Variants in THSD4 observed in about 807,000 individuals in gnomAD.
THSD4 encodes thrombospondin type-1 domain-containing protein 4.
A neutral mutation model predicts 119.0 loss-of-function variants in THSD4; 69 were observed. The ratio of observed to expected loss-of-function variants is 0.58; its 90% CI spans 0.48 to 0.71. The LOEUF is 0.71. Among genes scored for constraint, THSD4 ranks in the 30% least tolerant of loss-of-function variants. The pLI is 0.00. For missense variants in THSD4, 1,393 were observed against 1,391.1 expected, an observed-to-expected ratio of 1.00 and a Z score of -0.02; for synonymous variants, 524 against 540.4, an observed-to-expected ratio of 0.97 and a Z score of 0.42.
chr15:71,317,406 G>T (rs922757156), intron 6 of THSD4, among the ~76,000 whole-genome samples: 3 of 152,202 alleles, frequency 2.0e-5, no homozygotes, highest in Non-Finnish European at 4.4e-5. Context: ...AATGGCAGAA[G>T]GTGATGGAGG....
rs146285831 is a variant in THSD4, at chr15:71,375,953, T to C, written c.1016-35734T>C. 9.6e-3 allele frequency among the ~76,000 whole-genome samples: 1,469 copies of C among 152,316 alleles called. 21 individuals are homozygous for C. Among genetic ancestry groups the C allele is most frequent in the African/African-American group, 0.034 (1,398 of 41,568 alleles). On this transcript the variant is annotated intron_variant, in intron 6 of 17. Coordinates refer to ENST00000261862, the MANE Select transcript of THSD4 (RefSeq NM_024817.3). ...CTAGCACTTTTCTACTATGACTCTGTATTATTTATCACTGAGACCAATGTA... is the reference window on the plus strand; with the variant it reads ...CTAGCACTTTTCTACTATGACTCTGCATTATTTATCACTGAGACCAATGTA...
At chr15:71,725,315 C>A (rs2052811708) in intron 8 of THSD4, among the ~76,000 whole-genome samples, 1 of 151,752 alleles carries the variant, frequency 6.6e-6, no homozygotes. Flanking sequence ...CTAAAGCTGG[C>A]AAGGAGGTAA....
At chr15:71,761,303 CAAGTT>C (rs2053624387) in intron 15 of THSD4, among the ~76,000 whole-genome samples, 1 of 152,078 alleles carries the variant, frequency 6.6e-6, no homozygotes, top group South Asian at 2.1e-4. Flanking sequence ...CCATTAGTGT[CAAGTT>C]ATCAGTGACC....
At chr15:71,595,758 C>G (rs2049896595) in intron 7 of THSD4, among the ~76,000 whole-genome samples, 1 of 152,218 alleles carries the variant, frequency 6.6e-6, no homozygotes, top group African/African-American at 2.4e-5. Flanking sequence ...TCCATCACCC[C>G]AAGATCTGCT....
intron 3 of THSD4, chr15:71,183,802 T>G (rs2043564612): frequency 6.6e-6 from 1 of 151,746 alleles, no homozygotes; most frequent in Non-Finnish European, 1.5e-5. Context: ...AGATAATTAT[T>G]TCTTGTGGGA....
chr15:71,575,563 A>G (rs1285976610), intron 7 of THSD4, among the ~76,000 whole-genome samples: 1 of 152,200 alleles, frequency 6.6e-6, no homozygotes, highest in Non-Finnish European at 1.5e-5. Context: ...TTCGTCTTTA[A>G]TAAGTTGTGT....
chr15:71,227,420 G>A (rs1011903815), intron 4 of THSD4, among the ~76,000 whole-genome samples: 3 of 152,150 alleles, frequency 2.0e-5, no homozygotes, highest in South Asian at 2.1e-4. Context: ...TTCCTCCAGC[G>A]CACACCTAGT....
chr15:71,152,906 G>A (rs900699175), intron 2 of THSD4, among the ~76,000 whole-genome samples: 2 of 152,224 alleles, frequency 1.3e-5, no homozygotes, highest in Admixed American at 6.5e-5. Flanking sequence ...TTTCTAGGAG[G>A]GGGGTCACCT....
intron 8 of THSD4, among the ~76,000 whole-genome samples, chr15:71,673,097 G>A (rs928599294): frequency 6.6e-6 from 1 of 152,160 alleles, no homozygotes; most frequent in Non-Finnish European, 1.5e-5. Context: ...GGTAGAATTC[G>A]GCTGTGAATC....
At chr15:71,640,470 G>T (rs1410902885) in intron 7 of THSD4, among the ~76,000 whole-genome samples, 2 of 152,124 alleles carry the variant, frequency 1.3e-5, no homozygotes, top group Admixed American at 1.3e-4. Context: ...CCAGGGGGTT[G>T]CCAGGACTGG....
At position 71,595,106 on chromosome 15, in the gene THSD4, T is replaced by C. The variant is rs192172702; in HGVS notation, c.1153-65424T>C. 1.3e-3 allele frequency among the ~76,000 whole-genome samples: 204 copies of C among 152,350 alleles called. 1 individual carries two copies. Among genetic ancestry groups the C allele is most frequent in the Non-Finnish European group, 2.3e-3 (156 of 68,028 alleles). Reference sequence around the variant, plus strand: ...TCAGCTAGTTTCTTACTAAACTAAATGTATGAGCTTCTCTCTTTAATCAGA... The same window carrying C: ...TCAGCTAGTTTCTTACTAAACTAAACGTATGAGCTTCTCTCTTTAATCAGA... On this transcript the variant is annotated intron_variant, in intron 7 of 17. Transcript: ENST00000261862.
intron 10 of THSD4, chr15:71,731,435 G>C: frequency 1.8e-6 from 1 of 544,794 alleles, no homozygotes; most frequent in Admixed American, 3.1e-5. Context: ...TTCCAAAATG[G>C]CATGAGCATC....
intron 6 of THSD4, among the ~76,000 whole-genome samples, chr15:71,401,270 G>GT (rs1197807976): frequency 6.6e-6 from 1 of 152,156 alleles, no homozygotes; most frequent in Non-Finnish European, 1.5e-5. Context: ...AAGTTTTGTA[G>GT]TTTTTTGTTG....
chr15:71,759,123 A>G (rs1292556268), intron 15 of THSD4, among the ~76,000 whole-genome samples: 1 of 152,246 alleles, frequency 6.6e-6, no homozygotes, highest in East Asian at 1.9e-4. Flanking sequence ...ATGTGGTATA[A>G]TGGCAAGTGA....
chr15:71,544,429 G>A (rs1188394026), intron 7 of THSD4, among the ~76,000 whole-genome samples: 1 of 152,218 alleles, frequency 6.6e-6, no homozygotes. Flanking sequence ...TGGAAGCTAT[G>A]GAAAGAGAGT....
chr15:71,436,731 CAGG>C (rs1041786671), intron 7 of THSD4, among the ~76,000 whole-genome samples: 2 of 152,158 alleles, frequency 1.3e-5, no homozygotes, highest in African/African-American at 4.8e-5. Context: ...GGGGGAATTG[CAGG>C]AGAATGAATG....
chr15:71,225,127 C>T (rs1408563522), intron 4 of THSD4, among the ~76,000 whole-genome samples: 1 of 142,064 alleles, frequency 7.0e-6, no homozygotes, highest in African/African-American at 2.5e-5. Flanking sequence ...TTTAGTGATC[C>T]TGTTTCCCAG....
chr15:71,547,643 ACTT>A, intron 7 of THSD4: 1 of 784,792 alleles, frequency 1.3e-6, no homozygotes, highest in Non-Finnish European at 1.9e-6. Context: ...TTATATGAAG[ACTT>A]CTTTTCTTCT....
chr15:71,301,327 GACCTGATTTTTC>G (rs1333784884), intron 6 of THSD4, among the ~76,000 whole-genome samples: 1 of 152,112 alleles, frequency 6.6e-6, no homozygotes, highest in Non-Finnish European at 1.5e-5. Context: ...GGCCAACAAA[GACCTGATTTTTC>G]ACATAATTTT....
Sources: allele counts gnomAD v4.1 joint callset (sites outside exome capture counted in the v4.1 genomes callset), GRCh38; gene constraint gnomAD v4.1.1; transcripts MANE v1.5; gene names NCBI Gene and HGNC (gene_info 2026-07-23, HGNC 2026-07-21).